Variants in SRBD1 observed in about 807,000 individuals in gnomAD.
The protein encoded by SRBD1 is S1 RNA binding domain 1.
A neutral mutation model predicts 115.3 loss-of-function variants in SRBD1; 88 were observed. The observed-to-expected ratio is 0.76, with a 90% CI of 0.64 to 0.91. The LOEUF (loss-of-function observed/expected upper bound fraction) is 0.91, where lower values mean the gene tolerates loss of function less well. Among genes scored for constraint, SRBD1 ranks in the 40% least tolerant of loss-of-function variants. The pLI is 0.00. For missense variants in SRBD1, 1,385 were observed against 1,177.4 expected, an observed-to-expected ratio of 1.18 and a Z score of -2.58; for synonymous variants, 509 against 407.7, an observed-to-expected ratio of 1.25 and a Z score of -2.99.
At chr2:45,432,548 A>T (rs1668372556) in intron 16 of SRBD1, among the ~76,000 whole-genome samples, 2 of 152,186 alleles carry the variant, frequency 1.3e-5, no homozygotes, top group Admixed American at 1.3e-4. Flanking sequence ...TGTCTTTAAG[A>T]AGCTCCATTT....
chr2:45,593,972 C>G (rs1352320724), intron 4 of SRBD1, among the ~76,000 whole-genome samples: 1 of 152,156 alleles, frequency 6.6e-6, no homozygotes, highest in Non-Finnish European at 1.5e-5. Flanking sequence ...TTGAACATCT[C>G]TGAGCTGTAC....
At chr2:45,442,217 C>A (rs766557801) in intron 16 of SRBD1, among the ~76,000 whole-genome samples, 2 of 152,170 alleles carry the variant, frequency 1.3e-5, no homozygotes, top group Non-Finnish European at 2.9e-5. Context: ...ATGTCATTTA[C>A]CACAGACAGA....
intron 16 of SRBD1, among the ~76,000 whole-genome samples, chr2:45,430,797 A>G (rs1173858965): frequency 6.6e-6 from 1 of 152,252 alleles, no homozygotes; most frequent in Non-Finnish European, 1.5e-5. Context: ...GGCAAATGGG[A>G]TCTAACTAAA....
chr2:45,598,408 A>G (rs973633337), intron 4 of SRBD1, among the ~76,000 whole-genome samples: 4 of 152,098 alleles, frequency 2.6e-5, no homozygotes, highest in Non-Finnish European at 4.4e-5. Context: ...AGGCAGGCAG[A>G]TCGAGACCAT....
intron 14 of SRBD1, among the ~76,000 whole-genome samples, chr2:45,533,113 G>C (rs962883018): frequency 1.4e-4 from 21 of 152,010 alleles, no homozygotes; most frequent in Admixed American, 1.3e-4. Context: ...CCAAAGAAAA[G>C]AGGAAAATAT....
chr2:45,564,337 C>G (rs1208709595), intron 9 of SRBD1, among the ~76,000 whole-genome samples: 1 of 152,136 alleles, frequency 6.6e-6, no homozygotes, highest in Non-Finnish European at 1.5e-5. Flanking sequence ...TCACAGCTAA[C>G]ATCATATTTA....
intron 16 of SRBD1, among the ~76,000 whole-genome samples, chr2:45,457,111 AAC>A (rs1316403227): frequency 2.0e-5 from 3 of 151,954 alleles, no homozygotes; most frequent in Admixed American, 6.6e-5. Context: ...AGAAAAGTCT[AAC>A]ACAGAGAAAC....
intron 16 of SRBD1, among the ~76,000 whole-genome samples, chr2:45,421,108 A>T (rs1314117180): frequency 7.2e-5 from 11 of 152,346 alleles, no homozygotes; most frequent in Non-Finnish European, 1.2e-4. Flanking sequence ...CTCTAGGATT[A>T]GCAACCAAGT....
At chr2:45,598,108 A>G (rs1673961681) in intron 4 of SRBD1, among the ~76,000 whole-genome samples, 1 of 152,212 alleles carries the variant, frequency 6.6e-6, no homozygotes, top group South Asian at 2.1e-4. Context: ...TTCAGGGTGA[A>G]TCTGATGCAG....
chr2:45,482,743 G>C lies in SRBD1; in HGVS notation c.1966+5497C>G, dbSNP rs529793224. Reference sequence around the variant, plus strand: ...TATACTATAGACTTTTAAAAGTACAGTCATCCTGTATCCTTGGGTGATTGG... The same window carrying C: ...TATACTATAGACTTTTAAAAGTACACTCATCCTGTATCCTTGGGTGATTGG... On this transcript the variant is annotated intron_variant, in intron 15 of 20. Coordinates refer to ENST00000263736, the MANE Select transcript of SRBD1 (RefSeq NM_018079.5). 2.6e-5 allele frequency among the ~76,000 whole-genome samples: 4 copies of C among 151,970 alleles called. No homozygotes were observed. In the East Asian group the frequency reaches 7.7e-4, roughly 29 times the overall value.
chr2:45,438,627 A>G (rs1330095733), intron 16 of SRBD1, among the ~76,000 whole-genome samples: 2 of 136,244 alleles, frequency 1.5e-5, no homozygotes, highest in African/African-American at 5.1e-5. Flanking sequence ...AAAAATAAAT[A>G]AATCAGTGAA....
chr2:45,530,568 T>C (rs1328092350), intron 14 of SRBD1, among the ~76,000 whole-genome samples: 3 of 152,080 alleles, frequency 2.0e-5, no homozygotes, highest in Non-Finnish European at 4.4e-5. Context: ...TCTATGACTA[T>C]GATGGGTCAT....
At chr2:45,399,288 G>A (rs1667230402) in intron 19 of SRBD1, among the ~76,000 whole-genome samples, 3 of 152,146 alleles carry the variant, frequency 2.0e-5, no homozygotes, top group Admixed American at 1.3e-4. Flanking sequence ...TTTATTTACT[G>A]TGGAGGAAGG....
chr2:45,488,554 T>C (rs567377809), intron 14 of SRBD1, among the ~76,000 whole-genome samples: 1 of 152,312 alleles, frequency 6.6e-6, no homozygotes, highest in South Asian at 2.1e-4. Flanking sequence ...AAATCCATAA[T>C]GAATTCAATC....
At position 45,419,883 on chromosome 2, in the gene SRBD1, G is replaced by A; in HGVS notation, c.2061C>T (p.Ser687=). 1 of 1,612,984 alleles carries A rather than the reference G, an allele frequency of 6.2e-7. No individual in the cohort carries two copies. The highest frequency in any genetic ancestry group is 2.2e-5 in the East Asian group (1 of 44,854). The part of the protein sequence containing the change: ...IGVGMYQHDV[S]QTLLKATLDS... ...CCAGTGTTGCCTTGAGTAAAGTCTG[G>A]GATACGTCATGCTGAAAAGACAAAG... The change falls in exon 17 of 21, where the codon TCC becomes TCT. Residue 687 remains serine (S), a synonymous_variant. Coordinates refer to ENST00000263736, the MANE Select transcript of SRBD1 (RefSeq NM_018079.5).
intron 19 of SRBD1, among the ~76,000 whole-genome samples, chr2:45,401,823 G>A (rs1166554637): frequency 1.3e-5 from 2 of 152,156 alleles, no homozygotes; most frequent in Admixed American, 1.3e-4. Context: ...TCAAATCTGT[G>A]AAGAGTCAAT....
At chr2:45,518,859 G>A (rs1671198458) in intron 14 of SRBD1, among the ~76,000 whole-genome samples, 1 of 150,838 alleles carries the variant, frequency 6.6e-6, no homozygotes, top group African/African-American at 2.4e-5. Context: ...AACATGTACT[G>A]TTTTGGTTTG....
intron 16 of SRBD1, among the ~76,000 whole-genome samples, chr2:45,461,061 T>C (rs1239718296): frequency 6.6e-6 from 1 of 152,208 alleles, no homozygotes; most frequent in Non-Finnish European, 1.5e-5. Context: ...CTCTCTCCTC[T>C]ATAGCCTGTC....
intron 16 of SRBD1, among the ~76,000 whole-genome samples, chr2:45,443,040 T>G (rs757005776): frequency 2.0e-5 from 3 of 152,092 alleles, no homozygotes; most frequent in Non-Finnish European, 4.4e-5. Flanking sequence ...TACTAAGAAA[T>G]AAGGCTGGAG....
Sources: allele counts gnomAD v4.1 joint callset (sites outside exome capture counted in the v4.1 genomes callset), GRCh38; gene constraint gnomAD v4.1.1; transcripts MANE v1.5; gene names NCBI Gene and HGNC (gene_info 2026-07-23, HGNC 2026-07-21).